The following SCUBE1 variants were observed in gnomAD, a reference collection of about 807,000 sequenced individuals.
SCUBE1 encodes signal peptide, CUB domain and EGF like domain containing 1, also known as signal peptide, CUB and EGF-like domain-containing protein 1.
Under a neutral mutation model 124.4 loss-of-function variants are expected in SCUBE1, and 59 were observed. That is an observed-to-expected ratio of 0.47 (90% CI 0.38 to 0.59). The LOEUF (loss-of-function observed/expected upper bound fraction) is 0.59, where lower values mean the gene tolerates loss of function less well. Ranked by LOEUF, SCUBE1 falls within the 20% of genes least tolerant of loss-of-function variation. The pLI is 0.00. For missense variants in SCUBE1, 1,150 were observed against 1,371.2 expected (o/e 0.84, Z 2.55); for synonymous variants, 545 against 550.9 (o/e 0.99, Z 0.15).
At chr22:43,218,056 C>T (rs1319216373) in intron 15 of SCUBE1, among the ~76,000 whole-genome samples, 199 bp downstream of exon 15, 9 of 152,160 alleles carry the variant, frequency 5.9e-5, no homozygotes, top group African/African-American at 9.7e-5. Flanking sequence ...ATCACATGCC[C>T]GAGGCCCAGC....
chr22:43,326,463 G>A (rs1357052559), intron 2 of SCUBE1, among the ~76,000 whole-genome samples: 2 of 152,140 alleles, frequency 1.3e-5, no homozygotes, highest in East Asian at 3.9e-4. Flanking sequence ...GAAGGATTAA[G>A]CCCCTGTCTC....
intron 3 of SCUBE1, among the ~76,000 whole-genome samples, chr22:43,307,433 T>G (rs1350290492): frequency 6.6e-6 from 1 of 152,156 alleles, no homozygotes; most frequent in Non-Finnish European, 1.5e-5. Flanking sequence ...ATGCTGGAGA[T>G]TACAGTTCTG....
intron 4 of SCUBE1, among the ~76,000 whole-genome samples, chr22:43,289,435 G>A (rs1243714810): frequency 6.6e-6 from 1 of 152,238 alleles, no homozygotes; most frequent in Non-Finnish European, 1.5e-5. Flanking sequence ...CAGGAGCCAC[G>A]GAGCTCGGGC....
chr22:43,290,994 G>T, intron 4 of SCUBE1, 52 bp downstream of exon 4: 1 of 1,512,420 alleles, frequency 6.6e-7, no homozygotes, highest in Non-Finnish European at 8.9e-7. Context: ...GGGACTCTGG[G>T]GGCTGCCCAT....
chr22:43,292,067 G>A (rs879180998), intron 3 of SCUBE1, among the ~76,000 whole-genome samples: 3 of 152,074 alleles, frequency 2.0e-5, no homozygotes, highest in Non-Finnish European at 2.9e-5. Context: ...GCAACCCCAC[G>A]AGCCCCGTCT....
intron 3 of SCUBE1, among the ~76,000 whole-genome samples, chr22:43,299,065 AG>A (rs1925673269): frequency 6.6e-6 from 1 of 151,134 alleles, no homozygotes; most frequent in Non-Finnish European, 1.5e-5. Context: ...AAAAAAAAAA[AG>A]AAAAAAGATT....
chr22:43,290,135 C>A (rs375061084), intron 4 of SCUBE1, among the ~76,000 whole-genome samples: 1 of 152,218 alleles, frequency 6.6e-6, no homozygotes, highest in Non-Finnish European at 1.5e-5. Flanking sequence ...CACAGCCCTG[C>A]CTCAGATGCC....
chr22:43,265,500 G>C (rs755363078), intron 4 of SCUBE1, among the ~76,000 whole-genome samples: 1 of 152,174 alleles, frequency 6.6e-6, no homozygotes, highest in African/African-American at 2.4e-5. Context: ...AAGACCCTGA[G>C]GTAGAACTGA....
In SCUBE1 at chr22:43,258,110, T is replaced by C. The variant is rs1923731040; in HGVS notation, c.727+109A>G. On this transcript the variant is annotated intron_variant, in intron 6 of 21. Transcript: ENST00000360835. The surrounding 1 kb of genome is among the most constrained non-coding windows in gnomAD (Gnocchi z 5.0). ...TTGCCTTTCCTTGTTTCCCTGAAGC[T>C]TCCTTCCGGGGAACCCGGACGTGGC... 2.4e-6 allele frequency: 2 copies of C among 819,866 alleles called. No individual in the cohort carries two copies. The highest frequency in any genetic ancestry group is 1.8e-5 in the Admixed American group (1 of 55,060). 50.8% of individuals were successfully genotyped at this position (819,866 alleles called of 1,614,324 possible).
chr22:43,243,647 G>A (rs1009388095), intron 6 of SCUBE1, among the ~76,000 whole-genome samples: 1 of 152,252 alleles, frequency 6.6e-6, no homozygotes, highest in African/African-American at 2.4e-5. Context: ...CCGTGTGGTG[G>A]ACATTAAGGG....
At chr22:43,263,927 C>A (rs373830764) in intron 4 of SCUBE1, among the ~76,000 whole-genome samples, 1 of 152,344 alleles carries the variant, frequency 6.6e-6, no homozygotes, top group African/African-American at 2.4e-5. Context: ...CAAGTTCACA[C>A]GGAAAGACCC....
intron 4 of SCUBE1, among the ~76,000 whole-genome samples, chr22:43,264,522 T>A (rs1923990272): frequency 6.6e-6 from 1 of 152,124 alleles, no homozygotes; most frequent in Non-Finnish European, 1.5e-5. Context: ...CTGAGACATA[T>A]TCAGTCCCTC....
chr22:43,338,031 T>A (rs1199802869), intron 2 of SCUBE1, among the ~76,000 whole-genome samples: 1 of 152,134 alleles, frequency 6.6e-6, no homozygotes, highest in African/African-American at 2.4e-5. Context: ...ATTTATACGA[T>A]GGGTGCAGAC....
chr22:43,341,100 CAT>C (rs573669593), intron 1 of SCUBE1, among the ~76,000 whole-genome samples: 2 of 147,686 alleles, frequency 1.4e-5, no homozygotes, highest in African/African-American at 2.5e-5. Context: ...CACACACACA[CAT>C]GCATGCACGT....
Position 43,198,312 on chromosome 22 carries a change from C to T in SCUBE1, c.*5685G>A. On this transcript the variant is annotated 3_prime_UTR_variant, in exon 22 of 22. Transcript: ENST00000360835. ...CTGAGTGGCATGGTGCAGCAGGGGA[C>T]TGGAGAGGCCTTGAGGCCATCGCAG... is the stretch of plus-strand genomic sequence containing the variant. 2.8e-6 allele frequency: 1 copy of T among 352,214 alleles called. No individual in the cohort carries two copies. The highest frequency in any genetic ancestry group is 2.1e-5 in the South Asian group (1 of 47,224). 21.8% of individuals were successfully genotyped at this position (352,214 alleles called of 1,614,324 possible). A position where few individuals can be genotyped will look rare whatever the true frequency, so the allele number is the denominator to read the frequency against.
chr22:43,301,712 A>G (rs1480244260), intron 3 of SCUBE1, among the ~76,000 whole-genome samples: 1 of 152,174 alleles, frequency 6.6e-6, no homozygotes, highest in Non-Finnish European at 1.5e-5. Context: ...ACCCCCAGGC[A>G]ACACAGAGCC....
At chr22:43,277,702 G>A (rs940392202) in intron 4 of SCUBE1, among the ~76,000 whole-genome samples, 3 of 152,210 alleles carry the variant, frequency 2.0e-5, no homozygotes, top group South Asian at 2.1e-4. Context: ...CTGATGACTC[G>A]TGTCAGAGTC....
In SCUBE1 at chr22:43,284,772, C is replaced by T. The variant is rs1449392434; in HGVS notation, c.484+6274G>A. Among the ~76,000 whole-genome samples, 7 of 152,258 alleles carry T rather than the reference C, an allele frequency of 4.6e-5. No homozygotes were observed. The South Asian group carries it at 6.2e-4, about 14-fold the overall frequency. ...CAATCATCATCGTCATCGTCGTCGT[C>T]GTCGTCGTCATCATCATCATCACAT... On this transcript the variant is annotated intron_variant, in intron 4 of 21. Transcript: ENST00000360835.
intron 4 of SCUBE1, among the ~76,000 whole-genome samples, chr22:43,287,177 G>T (rs1925179852): frequency 6.6e-6 from 1 of 152,214 alleles, no homozygotes; most frequent in Admixed American, 6.5e-5. Flanking sequence ...TGAGTGGAGG[G>T]AAACTGGCCA....
Sources: allele counts gnomAD v4.1 joint callset (sites outside exome capture counted in the v4.1 genomes callset), GRCh38; gene constraint gnomAD v4.1.1; non-coding constraint Gnocchi (gnomAD v3.1); transcripts MANE v1.5; gene names NCBI Gene and HGNC (gene_info 2026-07-23, HGNC 2026-07-21).